Variants in CYFIP1 observed in about 807,000 individuals in gnomAD.
The protein encoded by CYFIP1 is cytoplasmic FMR1-interacting protein 1.
In CYFIP1, 58 loss-of-function variants were observed where a neutral mutation model predicts 163.5. The observed-to-expected ratio is 0.35, with a 90% CI of 0.29 to 0.44. CYFIP1 has a LOEUF of 0.44. Among genes scored for constraint, CYFIP1 ranks in the 20% least tolerant of loss-of-function variants. The probability of loss-of-function intolerance (pLI) is 1.00; values close to 1 mark genes in which losing one functional copy is unlikely to be tolerated. For missense variants in CYFIP1, 1,338 were observed against 1,653.8 expected (o/e 0.81, Z 3.31); for synonymous variants, 663 against 660.7 (o/e 1.00, Z -0.05).
At chr15:22,937,453 C>A (rs2061746908) in intron 8 of CYFIP1, among the ~76,000 whole-genome samples, 1 of 152,128 alleles carries the variant, frequency 6.6e-6, no homozygotes, top group Admixed American at 6.5e-5. Flanking sequence ...AATCCTCTCC[C>A]CTAGCCTAAC....
At chr15:22,887,134 C>G (rs2059947005) in intron 23 of CYFIP1, among the ~76,000 whole-genome samples, 1 of 152,186 alleles carries the variant, frequency 6.6e-6, no homozygotes, top group Admixed American at 6.5e-5. Flanking sequence ...CATTACTGAT[C>G]CTGCTTTGTA....
chr15:22,926,047 C>T lies in CYFIP1; in HGVS notation c.1294G>A (p.Ala432Thr), dbSNP rs748390204. Residue 432 changes from alanine (A) to threonine (T), a missense_variant, in exon 13 of 31, where the codon GCT (alanine) becomes ACT (threonine). Around this residue, in one of 4 missense-constraint regions of CYFIP1, gnomAD observed 824 missense variants for 995.7 expected, o/e 0.83. Transcript: ENST00000617928. ...KYSNKDCPDSAEEYERATRYN... is the reference protein window; with the variant it reads ...KYSNKDCPDSTEEYERATRYN... ...CGCGTGGCACGCTCGTACTCTTCAG[C>T]GCTGTCGGGGCAGTCCTTGTTGGAG... The T allele has an allele frequency of 1.3e-5, 21 of 1,614,072 alleles. No individual in the cohort carries two copies. Among genetic ancestry groups the T allele is most frequent in the East Asian group, 2.2e-5 (1 of 44,902 alleles).
intron 1 of CYFIP1, among the ~76,000 whole-genome samples, chr15:22,961,341 T>G (rs1330874327): frequency 6.6e-6 from 1 of 152,064 alleles, no homozygotes; most frequent in African/African-American, 2.4e-5. Context: ...ATTTCTTGTA[T>G]TATCACTGAG....
intron 20 of CYFIP1, 75 bp from the exon 21 acceptor site, chr15:22,909,388 G>T: frequency 6.3e-7 from 1 of 1,576,320 alleles, no homozygotes; most frequent in South Asian, 1.1e-5. Context: ...CCTCACCAGA[G>T]ACCCTGGAGA....
chr15:22,937,718 C>T (rs2061760486), intron 8 of CYFIP1, among the ~76,000 whole-genome samples: 1 of 151,766 alleles, frequency 6.6e-6, no homozygotes, highest in Non-Finnish European at 1.5e-5. Flanking sequence ...CCTGCCTCAG[C>T]CTCCCAAGTA....
chr15:22,941,970 C>A (rs566400759), intron 6 of CYFIP1, among the ~76,000 whole-genome samples: 1 of 152,310 alleles, frequency 6.6e-6, no homozygotes, highest in Non-Finnish European at 1.5e-5. Context: ...CCCACTCCGA[C>A]CAGTGAGTCT....
rs2142107393 is a variant in CYFIP1 at position 22,917,293 on chromosome 15, C to G, written c.1674+495G>C. 7.4e-7 allele frequency: 1 copy of G among 1,359,428 alleles called. No individual in the cohort carries two copies. Among genetic ancestry groups the G allele is most frequent in the East Asian group, 2.8e-5 (1 of 35,606 alleles). 84.2% of individuals were successfully genotyped at this position (1,359,428 alleles called of 1,614,324 possible). On this transcript the variant is annotated intron_variant, in intron 15 of 30. Coordinates refer to ENST00000617928, the MANE Select transcript of CYFIP1 (RefSeq NM_014608.6). This position sits in a 1 kb window ranked among gnomAD's most constrained non-coding sequence, Gnocchi z 4.2. ...CCAGCCCCAGGACGGAGGACAGACG[C>G]AGCGGTGTGGATTAAACCGGGTGTG...
At position 22,870,144 on chromosome 15, in the gene CYFIP1, C is replaced by A; in HGVS notation, c.3646G>T (p.Asp1216Tyr). The change falls in exon 31 of 31, where the codon GAT becomes TAT. Residue 1216 changes from aspartate to tyrosine, a missense_variant. This residue lies in a region of CYFIP1 where 306 missense variants were observed against 322.1 expected (regional missense o/e 0.95). Transcript: ENST00000617928. ...TTATCCAGGATGGTGATGATCTCAT[C>A]ATTGAGAATCTGGAACTTGCGAATT... The part of the protein sequence containing the change: ...ERIRKFQILN[D>Y]EIITILDKYL... 1 of 1,612,614 alleles carries A rather than the reference C, an allele frequency of 6.2e-7. No homozygotes were observed. The highest frequency in any genetic ancestry group is 8.5e-7 in the Non-Finnish European group (1 of 1,179,462).
In CYFIP1 at chr15:22,929,631, C is replaced by CAAAAAAA. The variant is rs35408380; in HGVS notation, c.1111-1610_1111-1604dup. On this transcript the variant is annotated intron_variant, in intron 11 of 30. Coordinates refer to ENST00000617928, the MANE Select transcript of CYFIP1 (RefSeq NM_014608.6). Reference sequence around the variant, plus strand: ...TGGGCAACAGAGAGAGACTCTGTCTCAAAAAAAAAAAAAAAAAAAAAAGGC... The same window carrying CAAAAAAA: ...TGGGCAACAGAGAGAGACTCTGTCTCAAAAAAAAAAAAAAAAAAAAAAAAAAAAAGGC... Among the ~76,000 whole-genome samples, 160 of 42,254 alleles carry CAAAAAAA rather than the reference C, an allele frequency of 3.8e-3. 16 individuals are homozygous for CAAAAAAA. The East Asian group carries it at 0.067, about 18-fold the overall frequency. 27.7% of individuals were successfully genotyped at this position (42,254 alleles called of 152,430 possible).
At chr15:22,951,610 G>A in intron 1 of CYFIP1, 2 of 1,244,710 alleles carry the variant, frequency 1.6e-6, no homozygotes, top group African/African-American at 3.1e-5. Flanking sequence ...GAGAGGCCTG[G>A]GGGCGTGTCC....
At chr15:22,967,750 T>C (rs895760903) in intron 1 of CYFIP1, among the ~76,000 whole-genome samples, 1 of 152,048 alleles carries the variant, frequency 6.6e-6, no homozygotes, top group African/African-American at 2.4e-5. Context: ...GTGACTGAAA[T>C]ACAAGAAGGC....
At chr15:22,871,772 G>A (rs1174939837) in intron 30 of CYFIP1, among the ~76,000 whole-genome samples, 2 of 152,168 alleles carry the variant, frequency 1.3e-5, no homozygotes, top group Non-Finnish European at 2.9e-5. Context: ...GCATGAGAAG[G>A]AAGGGGGACC....
At chr15:22,925,735 C>T (rs902773850) in intron 13 of CYFIP1, among the ~76,000 whole-genome samples, 1 of 152,162 alleles carries the variant, frequency 6.6e-6, no homozygotes, top group African/African-American at 2.4e-5. Context: ...GCACCCGACA[C>T]TGCTCTCCAT....
chr15:22,976,609 G>C (rs886625720), intron 1 of CYFIP1, among the ~76,000 whole-genome samples: 7 of 131,980 alleles, frequency 5.3e-5, no homozygotes, highest in Non-Finnish European at 1.3e-4. Context: ...TTTTGAAAGA[G>C]AGAACACATT....
chr15:22,961,046 G>A (rs1018802150), intron 1 of CYFIP1, among the ~76,000 whole-genome samples: 1 of 151,622 alleles, frequency 6.6e-6, no homozygotes, highest in African/African-American at 2.4e-5. Context: ...TTTTTAAGAT[G>A]GAGTCTCACT....
chr15:22,910,424 T>C, intron 20 of CYFIP1, 96 bp downstream of exon 20: 2 of 972,536 alleles, frequency 2.1e-6, no homozygotes, highest in Non-Finnish European at 3.2e-6. Context: ...GGCCTCCCAG[T>C]GTTGGGATTA....
chr15:22,872,926 C>T lies in CYFIP1; in HGVS notation c.3496G>A (p.Val1166Ile), dbSNP rs182057951. 7 of 1,614,102 alleles carry T rather than the reference C, an allele frequency of 4.3e-6. No individual in the cohort carries two copies. Among genetic ancestry groups the T allele is most frequent in the South Asian group, 3.3e-5 (3 of 91,078 alleles). Residue 1166 changes from valine (V) to isoleucine (I), a missense_variant, in exon 30 of 31, where the codon GTA becomes ATA. Coordinates refer to ENST00000617928, the MANE Select transcript of CYFIP1 (RefSeq NM_014608.6). ...GLHWAGCMII[V>I]LLGQQRRFAV... ...AAACGCCGCTGCTGCCCAAGAAGTACGATGATCATACAGCCAGCCCAGTGT... is the reference window on the plus strand; with the variant it reads ...AAACGCCGCTGCTGCCCAAGAAGTATGATGATCATACAGCCAGCCCAGTGT...
At chr15:22,948,501 T>C (rs1376304420) in intron 1 of CYFIP1, among the ~76,000 whole-genome samples, 1 of 152,168 alleles carries the variant, frequency 6.6e-6, no homozygotes, top group East Asian at 1.9e-4. Flanking sequence ...CCTCCTAGGA[T>C]TTTAACAAGA....
At chr15:22,871,719 G>A (rs1172632802) in intron 30 of CYFIP1, among the ~76,000 whole-genome samples, 1 of 152,184 alleles carries the variant, frequency 6.6e-6, no homozygotes, top group Non-Finnish European at 1.5e-5. Flanking sequence ...ACTAGAGGCT[G>A]AGACTGCCCA....
Sources: allele counts gnomAD v4.1 joint callset (sites outside exome capture counted in the v4.1 genomes callset), GRCh38; gene constraint gnomAD v4.1.1; regional missense constraint gnomAD v4.1.1; non-coding constraint Gnocchi (gnomAD v3.1); transcripts MANE v1.5; gene names NCBI Gene and HGNC (gene_info 2026-07-23, HGNC 2026-07-21).